Variants in VAT1L observed in about 807,000 individuals in gnomAD.
VAT1L encodes putative NADPH-dependent quinone oxidoreductase VAT1L.
Under a neutral mutation model 44.1 loss-of-function variants are expected in VAT1L, and 34 were observed. The ratio of observed to expected loss-of-function variants is 0.77; its 90% confidence interval spans 0.59 to 1.03. The LOEUF (loss-of-function observed/expected upper bound fraction) is 1.03, where lower values mean the gene tolerates loss of function less well. VAT1L is among the 50% of genes least tolerant of loss of function. The pLI is 0.00. For missense variants in VAT1L, 615 were observed against 538.8 expected (o/e 1.14, Z -1.40); for synonymous variants, 253 against 202.2 (o/e 1.25, Z -2.13).
At chr16:77,934,915 A>G (rs536281312) in intron 7 of VAT1L, among the ~76,000 whole-genome samples, 1 of 152,272 alleles carries the variant, frequency 6.6e-6, no homozygotes, top group East Asian at 1.9e-4. Flanking sequence ...CAGGATGGGG[A>G]ACAATTTCAC....
chr16:77,900,436 A>G (rs1004453043), intron 7 of VAT1L, among the ~76,000 whole-genome samples: 2 of 152,082 alleles, frequency 1.3e-5, no homozygotes, highest in Non-Finnish European at 2.9e-5. Context: ...GCTCACATCT[A>G]TAATCCCAGC....
intron 3 of VAT1L, among the ~76,000 whole-genome samples, chr16:77,828,255 G>A (rs908000542): frequency 3.9e-5 from 6 of 152,202 alleles, no homozygotes; most frequent in African/African-American, 7.2e-5. Context: ...GTACCTGTAT[G>A]TTGCCTTACC....
chr16:77,906,181 G>A (rs1342005816), intron 7 of VAT1L, among the ~76,000 whole-genome samples: 1 of 152,216 alleles, frequency 6.6e-6, no homozygotes, highest in East Asian at 1.9e-4. Flanking sequence ...ATGTTGTAAG[G>A]TGAGGACAGC....
chr16:77,820,468 C>G (rs1235442647), intron 2 of VAT1L, among the ~76,000 whole-genome samples: 2 of 152,192 alleles, frequency 1.3e-5, no homozygotes, highest in Non-Finnish European at 2.9e-5. Flanking sequence ...CAAGCTCGAG[C>G]TCTGTAGGGG....
At chr16:77,907,831 G>C (rs776151702) in intron 7 of VAT1L, among the ~76,000 whole-genome samples, 1 of 152,132 alleles carries the variant, frequency 6.6e-6, no homozygotes, top group Non-Finnish European at 1.5e-5. Context: ...AAAAGCAAAA[G>C]CCCTTAGCTA....
rs180714980 is a variant in VAT1L, at chr16:77,813,429, A to G, written c.234-3492A>G. On this transcript the variant is annotated intron_variant, in intron 1 of 8. Transcript: ENST00000302536. ...GTAGTCCAAGCAAAGAGCTTCTGCT[A>G]TAAACACATGTGTGAAGTAATGAAG... 1.3e-3 allele frequency among the ~76,000 whole-genome samples: 194 copies of G among 152,332 alleles called. 3 individuals carry two copies. The South Asian group carries it at 0.027, about 21-fold the overall frequency.
chr16:77,977,887 G>T lies in VAT1L; in HGVS notation c.*192G>T. 1.7e-6 allele frequency: 1 copy of T among 580,266 alleles called. No individual in the cohort carries two copies. The allele number at this position is 580,266 out of a possible 1,614,324, so 35.9% of individuals were successfully genotyped here. On this transcript the variant is annotated 3_prime_UTR_variant, in exon 9 of 9. Transcript: ENST00000302536. ...CCAATCCCATGCCATGCAGTATTAT[G>T]TCCCTCTCCTATCTGTGTATTACAC...
At chr16:77,912,265 T>C (rs1409970418) in intron 7 of VAT1L, among the ~76,000 whole-genome samples, 4 of 152,152 alleles carry the variant, frequency 2.6e-5, no homozygotes, top group Admixed American at 2.6e-4. Flanking sequence ...CTCAGCAAGA[T>C]ACCATCAAGG....
intron 7 of VAT1L, among the ~76,000 whole-genome samples, chr16:77,905,889 T>G (rs969897280): frequency 6.6e-6 from 1 of 152,228 alleles, no homozygotes; most frequent in Non-Finnish European, 1.5e-5. Flanking sequence ...CTGTCAGATC[T>G]AGGAGGTTTA....
At chr16:77,945,030 G>C (rs1254564393) in intron 7 of VAT1L, among the ~76,000 whole-genome samples, 1 of 152,132 alleles carries the variant, frequency 6.6e-6, no homozygotes, top group Non-Finnish European at 1.5e-5. Context: ...GCTAATTATA[G>C]ACTCACCATG....
chr16:77,906,834 T>G (rs1335959739), intron 7 of VAT1L, among the ~76,000 whole-genome samples: 3 of 152,190 alleles, frequency 2.0e-5, no homozygotes, highest in Non-Finnish European at 4.4e-5. Context: ...ACTGCCATCT[T>G]CCACATGCAA....
At chr16:77,891,130 G>A (rs574248208) in intron 7 of VAT1L, among the ~76,000 whole-genome samples, 2 of 152,110 alleles carry the variant, frequency 1.3e-5, no homozygotes, top group South Asian at 2.1e-4. Context: ...CGAGGCGGGC[G>A]GATCACGAGG....
Position 77,788,648 on chromosome 16 carries a change from C to T in VAT1L, c.-35C>T. Reference sequence around the variant, plus strand: ...CCCCCAGCGCCGCAGCCACCGCAGCCACCGCAGCCCGTGCGCCCCGCGCCC... The same window carrying T: ...CCCCCAGCGCCGCAGCCACCGCAGCTACCGCAGCCCGTGCGCCCCGCGCCC... On this transcript the variant is annotated 5_prime_UTR_variant, in exon 1 of 9. Transcript: ENST00000302536. 6.5e-7 allele frequency: 1 copy of T among 1,544,196 alleles called. No individual in the cohort carries two copies. Among genetic ancestry groups the T allele is most frequent in the Non-Finnish European group, 8.7e-7 (1 of 1,144,558 alleles).
chr16:77,979,269 T>C lies in VAT1L; in HGVS notation c.*1574T>C, dbSNP rs139170231. On this transcript the variant is annotated 3_prime_UTR_variant, in exon 9 of 9. Transcript: ENST00000302536. The stretch of plus-strand genomic sequence containing the variant: ...CCTCATTGTGAATGTGTATGTAAAA[T>C]ATGAAGACAAGAAAGGGTGCTTTCA... 12 of 152,660 alleles carry C rather than the reference T, an allele frequency of 7.9e-5. No homozygotes were observed. Among genetic ancestry groups the C allele is most frequent in the African/African-American group, 1.2e-4 (5 of 41,552 alleles). The allele number at this position is 152,660 out of a possible 1,614,324, so 9.5% of individuals were successfully genotyped here. A position where few individuals can be genotyped will look rare whatever the true frequency, so the allele number is the denominator to read the frequency against.
intron 1 of VAT1L, among the ~76,000 whole-genome samples, chr16:77,805,972 C>T (rs1478146278): frequency 6.7e-6 from 1 of 149,136 alleles, no homozygotes; most frequent in Non-Finnish European, 1.5e-5. Flanking sequence ...AAGCAATTCT[C>T]CTGCCTCAGC....
chr16:77,974,769 A>T (rs2018317513), intron 8 of VAT1L, among the ~76,000 whole-genome samples: 1 of 151,988 alleles, frequency 6.6e-6, no homozygotes. Flanking sequence ...GGGTTTCACC[A>T]TGTTGGCCAG....
intron 7 of VAT1L, among the ~76,000 whole-genome samples, chr16:77,949,480 T>C (rs182809960): frequency 2.6e-5 from 4 of 152,310 alleles, no homozygotes; most frequent in Admixed American, 2.6e-4. Context: ...GATCCCAGTG[T>C]TGGAGGTGGG....
chr16:77,854,823 A>G (rs1163686247), intron 3 of VAT1L, among the ~76,000 whole-genome samples: 1 of 152,202 alleles, frequency 6.6e-6, no homozygotes, highest in Non-Finnish European at 1.5e-5. Flanking sequence ...AACTTTTAGA[A>G]GAGATATACA....
intron 7 of VAT1L, among the ~76,000 whole-genome samples, chr16:77,916,839 G>A (rs2017557401): frequency 6.9e-6 from 1 of 145,592 alleles, no homozygotes; most frequent in Non-Finnish European, 1.5e-5. Flanking sequence ...CATCTTCAAA[G>A]CAACCCCTGT....
Sources: gnomAD v4.1 joint callset for allele counts (sites outside exome capture counted in the v4.1 genomes callset) on GRCh38, gnomAD v4.1.1 for gene constraint, MANE v1.5 for transcripts, NCBI Gene and HGNC (gene_info 2026-07-23, HGNC 2026-07-21) for gene names.